The following SUGCT variants were observed in gnomAD, a reference collection of about 807,000 sequenced individuals.
SUGCT encodes the protein succinyl-CoA:glutarate-CoA transferase, also known as succinyl-CoA:glutarate CoA-transferase.
In SUGCT, 41 loss-of-function variants were observed where a neutral mutation model predicts 55.0. The observed-to-expected ratio is 0.74, with a 90% confidence interval of 0.58 to 0.97. The LOEUF (loss-of-function observed/expected upper bound fraction) is 0.97, where lower values mean the gene tolerates loss of function less well. SUGCT is among the 50% of genes least tolerant of loss of function. The pLI is 0.00. For missense variants in SUGCT, 568 were observed against 547.8 expected, an observed-to-expected ratio of 1.04 and a Z score of -0.37; for synonymous variants, 187 against 200.4, an observed-to-expected ratio of 0.93 and a Z score of 0.56.
At chr7:40,371,985 T>C (rs893246215) in intron 9 of SUGCT, among the ~76,000 whole-genome samples, 2 of 151,422 alleles carry the variant, frequency 1.3e-5, no homozygotes, top group African/African-American at 4.9e-5. Context: ...TGTATAAAAA[T>C]AGTCTAGGTT....
intron 6 of SUGCT, among the ~76,000 whole-genome samples, chr7:40,203,606 C>T (rs544857763): frequency 2.6e-5 from 4 of 152,120 alleles, no homozygotes; most frequent in Admixed American, 2.6e-4. Context: ...GAAACCCCGT[C>T]TCTATTAAAA....
intron 6 of SUGCT, among the ~76,000 whole-genome samples, chr7:40,215,288 G>A (rs554845901): frequency 2.9e-4 from 44 of 152,094 alleles, no homozygotes; most frequent in Non-Finnish European, 5.4e-4. Flanking sequence ...GACTACAGGC[G>A]CGTGCCACCA....
chr7:40,491,846 C>T (rs558606530), intron 11 of SUGCT, among the ~76,000 whole-genome samples: 106 of 152,054 alleles, frequency 7.0e-4, no homozygotes, highest in Non-Finnish European at 1.3e-3. Flanking sequence ...AAAAATTAGC[C>T]AGGCGTGGTG....
At chr7:40,139,988 C>T (rs952768660) in intron 1 of SUGCT, among the ~76,000 whole-genome samples, 1 of 151,806 alleles carries the variant, frequency 6.6e-6, no homozygotes, top group Admixed American at 6.6e-5. Flanking sequence ...CTGCAGCCTC[C>T]GCCTCCTGGG....
chr7:40,726,355 A>G (rs552077226), intron 12 of SUGCT, among the ~76,000 whole-genome samples: 1 of 152,272 alleles, frequency 6.6e-6, no homozygotes, highest in Non-Finnish European at 1.5e-5. Flanking sequence ...GATAAAATAT[A>G]TTTACTATTC....
intron 8 of SUGCT, 118 bp from the exon 9 acceptor site, chr7:40,316,642 C>G (rs1360778397): frequency 1.2e-5 from 7 of 603,036 alleles, no homozygotes; most frequent in Non-Finnish European, 2.0e-5. Context: ...ACTTGATGGA[C>G]AGGTTTTTTT....
chr7:40,158,382 CAG>C (rs1783998324), intron 1 of SUGCT, among the ~76,000 whole-genome samples: 1 of 152,130 alleles, frequency 6.6e-6, no homozygotes, highest in Non-Finnish European at 1.5e-5. Context: ...AAATTGCTGA[CAG>C]ATTATTTCTA....
the SUGCT span, among the ~76,000 whole-genome samples, chr7:40,889,854 T>C: frequency 6.6e-6 from 1 of 152,176 alleles, no homozygotes; most frequent in African/African-American, 2.4e-5. Flanking sequence ...CTAAGTCTCA[T>C]GCACTATATA....
At chr7:40,500,260 G>T (rs534581169) in intron 12 of SUGCT, among the ~76,000 whole-genome samples, 17 of 152,244 alleles carry the variant, frequency 1.1e-4, no homozygotes, top group African/African-American at 4.1e-4. Context: ...CAAACCTGGT[G>T]TTATTTAATA....
At chr7:40,177,929 TTG>T (rs747523753) in intron 1 of SUGCT, among the ~76,000 whole-genome samples, 6 of 152,130 alleles carry the variant, frequency 3.9e-5, no homozygotes, top group Non-Finnish European at 5.9e-5. Flanking sequence ...GTTTGTATTT[TTG>T]TAGAGATGGG....
At chr7:40,939,172 C>T in the SUGCT span, among the ~76,000 whole-genome samples, 7 of 152,206 alleles carry the variant, frequency 4.6e-5, no homozygotes, top group Admixed American at 2.6e-4. Context: ...GAGCAAGTCC[C>T]GTCTTACTTG....
intron 13 of SUGCT, among the ~76,000 whole-genome samples, chr7:40,812,359 T>C (rs1031843577): frequency 2.0e-5 from 3 of 152,172 alleles, no homozygotes; most frequent in African/African-American, 7.2e-5. Flanking sequence ...CTGGGGCTTT[T>C]TCTGATTGGT....
intron 1 of SUGCT, among the ~76,000 whole-genome samples, chr7:40,171,735 C>T (rs959054119): frequency 3.3e-5 from 5 of 152,174 alleles, no homozygotes; most frequent in African/African-American, 1.2e-4. Flanking sequence ...GCATTTGGGC[C>T]ATCCGCAGGT....
At chr7:40,854,920 C>A (rs1794091461) in intron 13 of SUGCT, among the ~76,000 whole-genome samples, 1 of 151,796 alleles carries the variant, frequency 6.6e-6, no homozygotes. Context: ...TGGCAGACAG[C>A]ACGAAACCCT....
intron 13 of SUGCT, among the ~76,000 whole-genome samples, chr7:40,754,208 A>G (rs1178169298): frequency 6.6e-6 from 1 of 152,192 alleles, no homozygotes; most frequent in Non-Finnish European, 1.5e-5. Flanking sequence ...GAAGAGAGAC[A>G]AAGAAAAATG....
intron 7 of SUGCT, among the ~76,000 whole-genome samples, chr7:40,250,828 CTTTTTTTTTTTTT>C (rs67372014): frequency 0.14 from 16,663 of 121,168 alleles, 1,263 homozygotes; most frequent in Middle Eastern, 0.24. Context: ...TTTCACGCTT[CTTTTTTTTTTTTT>C]TTTTTTTTTT....
At chr7:40,907,762 G>A in the SUGCT span, among the ~76,000 whole-genome samples, 27 of 152,180 alleles carry the variant, frequency 1.8e-4, no homozygotes, top group African/African-American at 6.0e-4. Context: ...GCATAAAGAT[G>A]AGGCAAGGCC....
At chr7:40,232,022 A>G (rs955459122) in intron 6 of SUGCT, among the ~76,000 whole-genome samples, 2 of 152,076 alleles carry the variant, frequency 1.3e-5, no homozygotes, top group African/African-American at 4.8e-5. Context: ...GATTGCTTCA[A>G]CCCAGGAGTT....
At chr7:40,606,210 G>A (rs1041248808) in intron 12 of SUGCT, among the ~76,000 whole-genome samples, 2 of 152,166 alleles carry the variant, frequency 1.3e-5, no homozygotes, top group South Asian at 2.1e-4. Flanking sequence ...AAGGATTAAC[G>A]GGAAAGCTTT....
Sources: gnomAD v4.1 joint callset for allele counts (sites outside exome capture counted in the v4.1 genomes callset) on GRCh38, gnomAD v4.1.1 for gene constraint, MANE v1.5 for transcripts, NCBI Gene and HGNC (gene_info 2026-07-23, HGNC 2026-07-21) for gene names.